The following CACNA1G variants were observed in gnomAD, a reference collection of about 807,000 sequenced individuals.
CACNA1G encodes the protein calcium voltage-gated channel subunit alpha1 G, also known as voltage-dependent T-type calcium channel subunit alpha-1G.
Under a neutral mutation model 219.4 loss-of-function variants are expected in CACNA1G, and 67 were observed. The ratio of observed to expected loss-of-function variants is 0.31; its 90% CI spans 0.25 to 0.37. The LOEUF is 0.37. Among genes scored for constraint, CACNA1G ranks in the 10% least tolerant of loss-of-function variants. The pLI, the probability that CACNA1G is intolerant of heterozygous loss-of-function variation, is 1.00. For missense variants in CACNA1G, 2,380 were observed against 3,231.4 expected, an observed-to-expected ratio of 0.74 and a Z score of 6.39; for synonymous variants, 1,296 against 1,345.3, an observed-to-expected ratio of 0.96 and a Z score of 0.80.
Position 50,626,927 on chromosome 17 carries a change from A to G in CACNA1G, c.*176A>G. The G allele has an allele frequency of 1.2e-6, 1 of 840,010 alleles. No homozygotes were observed. Among genetic ancestry groups the G allele is most frequent in the Non-Finnish European group, 2.0e-6 (1 of 502,260 alleles). The allele number at this position is 840,010 out of a possible 1,614,324, so 52.0% of individuals were successfully genotyped here. On this transcript the variant is annotated 3_prime_UTR_variant, in exon 38 of 38. Coordinates refer to ENST00000359106, the MANE Select transcript of CACNA1G (RefSeq NM_018896.5). This position sits in a 1 kb window ranked among gnomAD's most constrained non-coding sequence, Gnocchi z 4.3. ...AGAACTTCCAAAGAGAGTTAAAAGC[A>G]GCAGCCCCGGCAACTCTGGCTCCAG...
At chr17:50,615,791 T>G (rs1361527449) in intron 27 of CACNA1G, among the ~76,000 whole-genome samples, 2 of 152,244 alleles carry the variant, frequency 1.3e-5, no homozygotes, top group Non-Finnish European at 2.9e-5. Flanking sequence ...TACTATGAGC[T>G]GCGCTCTGGA....
At position 50,596,959 on chromosome 17, in the gene CACNA1G, A is replaced by T. The variant is rs775493129; in HGVS notation, c.3258+36A>T. ...CATGTGGGTACCCTGATGGTGGGAG[A>T]TATTCCAAGGAGGACAGGAGGAAGA... On this transcript the variant is annotated intron_variant, in intron 16 of 37. Transcript: ENST00000359106. The surrounding 1 kb of genome is among the most constrained non-coding windows in gnomAD (Gnocchi z 4.8). 5 of 1,482,726 alleles carry T rather than the reference A, an allele frequency of 3.4e-6. No individual in the cohort carries two copies. The highest frequency in any genetic ancestry group is 4.5e-6 in the Non-Finnish European group (5 of 1,110,158). The allele number at this position is 1,482,726 out of a possible 1,614,324, so 91.8% of individuals were successfully genotyped here.
At chr17:50,613,190 C>G (rs1276310413) in intron 26 of CACNA1G, among the ~76,000 whole-genome samples, 1 of 152,204 alleles carries the variant, frequency 6.6e-6, no homozygotes, top group South Asian at 2.1e-4. Context: ...CTGAATGAGT[C>G]ACTTTTTGCC....
At position 50,571,081 on chromosome 17, in the gene CACNA1G, A is replaced by G. The variant is rs1488118314; in HGVS notation, c.587-797A>G. Among the ~76,000 whole-genome samples, 1 of 152,016 alleles carries G rather than the reference A, an allele frequency of 6.6e-6. No homozygotes were observed. The highest frequency in any genetic ancestry group is 6.6e-5 in the Admixed American group (1 of 15,266). ...ACCTGGAGTACGGAGAGAGGGAAGT[A>G]ACCCTAACAGGGCTTTTGAGGAGGG... On this transcript the variant is annotated intron_variant, in intron 4 of 37. Coordinates refer to ENST00000359106, the MANE Select transcript of CACNA1G (RefSeq NM_018896.5). This position sits in a 1 kb window ranked among gnomAD's most constrained non-coding sequence, Gnocchi z 4.3.
chr17:50,619,598 A>G, intron 33 of CACNA1G, 85 bp from the exon 34 acceptor site: 6 of 1,344,086 alleles, frequency 4.5e-6, no homozygotes, highest in East Asian at 5.0e-5. Context: ...TCTCTTGTCA[A>G]TCCCCTTCCA....
chr17:50,624,550 A>T (rs747455903), intron 37 of CACNA1G, 21 bp downstream of exon 37: 2 of 1,562,472 alleles, frequency 1.3e-6, no homozygotes, highest in Non-Finnish European at 1.7e-6. Context: ...GTGGAAAGGC[A>T]GGCACAGGCC....
In CACNA1G at chr17:50,570,624, G is replaced by T. The variant is rs112382449; in HGVS notation, c.586+821G>T. 1.2e-4 allele frequency among the ~76,000 whole-genome samples: 17 copies of T among 142,354 alleles called. No individual in the cohort carries two copies. In the South Asian group the frequency reaches 3.9e-3, roughly 33 times the overall value. The allele number at this position is 142,354 out of a possible 152,430, so 93.4% of individuals were successfully genotyped here. A position where few individuals can be genotyped will look rare whatever the true frequency, so the allele number is the denominator to read the frequency against. On this transcript the variant is annotated intron_variant, in intron 4 of 37. Coordinates refer to ENST00000359106, the MANE Select transcript of CACNA1G (RefSeq NM_018896.5). Reference sequence around the variant, plus strand: ...CTGCCCCTGGGAGGGCAGAGCTGTTGAATGTGTCCTCTGGGGCTCGGGGTG... The same window carrying T: ...CTGCCCCTGGGAGGGCAGAGCTGTTTAATGTGTCCTCTGGGGCTCGGGGTG...
In CACNA1G at chr17:50,561,508, C is replaced by G. The variant is rs1355092684; in HGVS notation, c.49C>G (p.Arg17Gly). The change falls in exon 1 of 38, where the codon CGG becomes GGG. Residue 17 changes from arginine (R) to glycine (G), a missense_variant. Physicochemically the swap from Arg to Gly is moderately radical, Grantham distance 125. Coordinates refer to ENST00000359106, the MANE Select transcript of CACNA1G (RefSeq NM_018896.5). ...GAGAEESGQP[R>G]SFMRLNDLSG... Reference sequence around the variant, plus strand: ...GGGCGCCGAGGAGTCGGGACAGCCCCGGAGCTTCATGCGGCTCAACGACCT... The same window carrying G: ...GGGCGCCGAGGAGTCGGGACAGCCCGGGAGCTTCATGCGGCTCAACGACCT... 8 of 1,536,446 alleles carry G rather than the reference C, an allele frequency of 5.2e-6. No homozygotes were observed. The highest frequency in any genetic ancestry group is 7.0e-6 in the Non-Finnish European group (8 of 1,146,544).
intron 26 of CACNA1G, 142 bp downstream of exon 26, chr17:50,610,077 T>C: frequency 1.3e-6 from 1 of 755,322 alleles, no homozygotes; most frequent in Non-Finnish European, 2.2e-6. Flanking sequence ...AGCGCTGGGC[T>C]CTGCAGCATC....
In CACNA1G at chr17:50,608,013, A is replaced by C; in HGVS notation, c.4699A>C (p.Arg1567=). 9 of 1,606,254 alleles carry C rather than the reference A, an allele frequency of 5.6e-6. No homozygotes were observed. The highest frequency in any genetic ancestry group is 7.7e-6 in the Non-Finnish European group (9 of 1,176,338). ...GCGCCTACGAAGACTGGAGAAAAAG[A>C]GAAGGAGTAAGGAGAAGCAGATGGC... ...EKRLRRLEKK[R]RNLMLDDVIA... The change falls in exon 25 of 38, where the codon AGA becomes CGA. Residue 1567 remains arginine, a synonymous_variant. Transcript: ENST00000359106.
Position 50,572,640 on chromosome 17 carries a change from G to T in CACNA1G, c.833G>T (p.Gly278Val). 6.2e-7 allele frequency: 1 copy of T among 1,601,852 alleles called. No individual in the cohort carries two copies. The highest frequency in any genetic ancestry group is 8.5e-7 in the Non-Finnish European group (1 of 1,174,518). Residue 278 changes from glycine (G) to valine (V), a missense_variant, in exon 6 of 38, where the codon GGC (glycine) becomes GTC (valine). Physicochemically the swap from Gly to Val is moderately radical, Grantham distance 109. Around this residue, in one of 17 missense-constraint regions of CACNA1G, gnomAD observed 68 missense variants for 85.3 expected, o/e 0.80. Transcript: ENST00000359106. ...PFICSQPRENGMRSCRSVPTL... is the reference protein window; with the variant it reads ...PFICSQPRENVMRSCRSVPTL... ...ATCTGCTCCCAGCCACGCGAGAACG[G>T]CATGCGGTCCTGCAGAAGCGTGCCC...
chr17:50,623,263 ATTTTTTTTTTTTTTTTTT>A (rs35058899), intron 35 of CACNA1G, among the ~76,000 whole-genome samples: 3 of 50,978 alleles, frequency 5.9e-5, no homozygotes, highest in African/African-American at 2.9e-4. Context: ...TATCCAGCTA[ATTTTTTTTTTTTTTTTTT>A]TTTTTTTTTT....
intron 9 of CACNA1G, among the ~76,000 whole-genome samples, chr17:50,582,139 A>C (rs1248885103): frequency 6.6e-6 from 1 of 152,186 alleles, no homozygotes; most frequent in African/African-American, 2.4e-5. Context: ...AAACGGTCAT[A>C]TTTACTTGAT....
chr17:50,619,616 T>C (rs2051307786), intron 33 of CACNA1G, 67 bp from the exon 34 acceptor site: 1 of 1,501,028 alleles, frequency 6.7e-7, no homozygotes, highest in Admixed American at 1.9e-5. Flanking sequence ...CCACGACACT[T>C]CCCATCACTG....
At position 50,596,869 on chromosome 17, in the gene CACNA1G, C is replaced by A; in HGVS notation, c.3204C>A (p.Arg1068=). 6.3e-7 allele frequency: 1 copy of A among 1,593,276 alleles called. No homozygotes were observed. Among genetic ancestry groups the A allele is most frequent in the Non-Finnish European group, 8.5e-7 (1 of 1,170,138 alleles). The part of the protein sequence containing the change: ...LGEALGPASR[R]TSSSGSAEPG... ...AGGCGCTGGGCCCTGCGTCGCGCCG[C>A]ACCAGCAGCAGCGGGTCGGCAGAGC... The change falls in exon 16 of 38, where the codon CGC becomes CGA. Residue 1068 remains arginine (R), a synonymous_variant. Coordinates refer to ENST00000359106, the MANE Select transcript of CACNA1G (RefSeq NM_018896.5). This position sits in a 1 kb window ranked among gnomAD's most constrained non-coding sequence, Gnocchi z 4.8.
intron 9 of CACNA1G, 86 bp from the exon 10 acceptor site, chr17:50,590,385 C>T: frequency 6.9e-7 from 1 of 1,454,842 alleles, no homozygotes; most frequent in Non-Finnish European, 9.6e-7. Flanking sequence ...TCCTGCTCCT[C>T]CTCTCCCTGG....
chr17:50,618,805 G>C lies in CACNA1G; in HGVS notation c.5578G>C (p.Glu1860Gln). Residue 1860 changes from glutamate (E) to glutamine (Q), a missense_variant, in exon 33 of 38, where the codon GAG (glutamate) becomes CAG (glutamine). By Grantham distance (29) the Glu-to-Gln change is conservative (BLOSUM62 2). Transcript: ENST00000359106. The surrounding 1 kb of genome is among the most constrained non-coding windows in gnomAD (Gnocchi z 5.3). ...LMKHLEESNK[E>Q]AKEEAELEAE... is the part of the protein sequence containing the mutation. ...GAAGCACCTGGAGGAGAGCAACAAG[G>C]AGGCCAAGGAGGAGGCCGAGCTAGA... 1 of 1,613,948 alleles carries C rather than the reference G, an allele frequency of 6.2e-7. No homozygotes were observed. The highest frequency in any genetic ancestry group is 8.5e-7 in the Non-Finnish European group (1 of 1,179,860).
At position 50,624,542 on chromosome 17, in the gene CACNA1G, G is replaced by T; in HGVS notation, c.6399+13G>T. ...ACTCAGGCGCCAGGTGAGCAGATGT[G>T]GAAAGGCAGGCACAGGCCTGGGGGC... is the stretch of plus-strand genomic sequence containing the variant. On this transcript the variant is annotated intron_variant, in intron 37 of 37. Transcript: ENST00000359106. 6.4e-7 allele frequency: 1 copy of T among 1,570,732 alleles called. No individual in the cohort carries two copies. The highest frequency in any genetic ancestry group is 8.6e-7 in the Non-Finnish European group (1 of 1,157,224).
At chr17:50,608,070 C>G (rs373622072) in intron 25 of CACNA1G, 51 bp downstream of exon 25, 3 of 1,526,802 alleles carry the variant, frequency 2.0e-6, no homozygotes, top group Non-Finnish European at 2.7e-6. Context: ...CTCTCTGGGT[C>G]GTGCTTGACC....
Sources: gnomAD v4.1 joint callset for allele counts (sites outside exome capture counted in the v4.1 genomes callset) on GRCh38, gnomAD v4.1.1 for gene constraint, gnomAD v4.1.1 regional missense constraint, Gnocchi (gnomAD v3.1) non-coding constraint, MANE v1.5 for transcripts, NCBI Gene and HGNC (gene_info 2026-07-23, HGNC 2026-07-21) for gene names.